The following BPNT1 variants were observed in gnomAD, a reference collection of about 807,000 sequenced individuals.
BPNT1 encodes 3'(2'), 5'-bisphosphate nucleotidase 1, also known as 3'(2'),5'-bisphosphate nucleotidase 1.
BPNT1 carries 28 observed loss-of-function variants against 36.9 expected under a neutral mutation model. The observed-to-expected ratio is 0.76, with a 90% confidence interval of 0.56 to 1.04. The LOEUF (loss-of-function observed/expected upper bound fraction) is 1.04, where lower values mean the gene tolerates loss of function less well. BPNT1 is among the 50% of genes least tolerant of loss of function. The pLI is 0.00. For missense variants in BPNT1, 313 were observed against 372.9 expected (o/e 0.84, Z 1.32); for synonymous variants, 119 against 130.9 (o/e 0.91, Z 0.62).
At chr1:220,061,081 T>C (rs1038424600) in intron 7 of BPNT1, among the ~76,000 whole-genome samples, 21 of 152,196 alleles carry the variant, frequency 1.4e-4, no homozygotes, top group African/African-American at 5.1e-4. Context: ...AATCAGATTT[T>C]AGTTAATCTG....
chr1:220,077,572 TA>T (rs1416213830), intron 2 of BPNT1, among the ~76,000 whole-genome samples: 1 of 152,154 alleles, frequency 6.6e-6, no homozygotes, highest in African/African-American at 2.4e-5. Flanking sequence ...GGGGTCTTGC[TA>T]TGTTGCCCAG....
chr1:220,088,610 C>G (rs1000781692), intron 1 of BPNT1, among the ~76,000 whole-genome samples: 1 of 151,222 alleles, frequency 6.6e-6, no homozygotes, highest in Non-Finnish European at 1.5e-5. Flanking sequence ...GGCAACATGG[C>G]AAAACCTCGT....
chr1:220,071,730 C>T (rs1406154551), intron 4 of BPNT1, among the ~76,000 whole-genome samples: 1 of 152,126 alleles, frequency 6.6e-6, no homozygotes, highest in African/African-American at 2.4e-5. Flanking sequence ...TCTTGTCACC[C>T]AGACTGGAGT....
chr1:220,062,771 C>T lies in BPNT1; in HGVS notation c.658G>A (p.Gly220Arg). The part of the protein sequence containing the change: ...MNPDAVLRVG[G>R]AGNKIIQLIE... ...ATTTTTCATACCTTATTTCCTGCTC[C>T]TCCTACTCGCAGCACAGCATCGGGG... is the stretch of plus-strand genomic sequence containing the variant. Residue 220 changes from glycine to arginine, a missense_variant, in exon 7 of 9, where the codon GGA (glycine) becomes AGA (arginine). Transcript: ENST00000322067. The T allele has an allele frequency of 6.2e-7, 1 of 1,614,194 alleles. No homozygotes were observed. The highest frequency in any genetic ancestry group is 1.1e-5 in the South Asian group (1 of 91,082).
In BPNT1 at chr1:220,062,795, G is replaced by A; in HGVS notation, c.634C>T (p.Pro212Ser). The A allele has an allele frequency of 6.2e-7, 1 of 1,614,142 alleles. No homozygotes were observed. Among genetic ancestry groups the A allele is most frequent in the Non-Finnish European group, 8.5e-7 (1 of 1,180,034 alleles). Residue 212 changes from proline (P) to serine (S), a missense_variant, in exon 7 of 9, where the codon CCC (proline) becomes TCC (serine). Pro to Ser is a moderately conservative substitution (Grantham distance 74, BLOSUM62 -1). Coordinates refer to ENST00000322067, the MANE Select transcript of BPNT1 (RefSeq NM_006085.6). ...CCTCCTACTCGCAGCACAGCATCGG[G>A]GTTCATAGCAGCAACACAGTCAGTA... ...LVTDCVAAMN[P>S]DAVLRVGGAG...
At chr1:220,069,550 T>C in intron 4 of BPNT1, 118 bp from the exon 5 acceptor site, 1 of 668,060 alleles carries the variant, frequency 1.5e-6, no homozygotes. Flanking sequence ...TATGGATGGC[T>C]TAAATTAATG....
At chr1:220,076,137 G>C (rs866188412) in intron 2 of BPNT1, among the ~76,000 whole-genome samples, 1 of 152,128 alleles carries the variant, frequency 6.6e-6, no homozygotes, top group South Asian at 2.1e-4. Context: ...GGGAGGCCGA[G>C]GCAGGTAGAT....
chr1:220,063,283 G>T (rs566645484), intron 6 of BPNT1, among the ~76,000 whole-genome samples: 1 of 152,282 alleles, frequency 6.6e-6, no homozygotes, highest in African/African-American at 2.4e-5. Context: ...GGGAGGTGGA[G>T]GTTGCAGTGA....
chr1:220,079,841 A>T lies in BPNT1; in HGVS notation c.6T>A (p.Ala2=). 1 of 1,613,848 alleles carries T rather than the reference A, an allele frequency of 6.2e-7. No individual in the cohort carries two copies. The highest frequency in any genetic ancestry group is 8.5e-7 in the Non-Finnish European group (1 of 1,179,888). Residue 2 remains alanine (A), a synonymous_variant, in exon 2 of 9, where the codon GCT becomes GCA. Coordinates refer to ENST00000322067, the MANE Select transcript of BPNT1 (RefSeq NM_006085.6). M[A]SSNTVLMRLV... is the part of the protein sequence containing the mutation. ...ACCGCATCAACACAGTGTTACTGGA[A>T]GCCATGGTACACTCTAAAAAGAGAT...
At chr1:220,081,475 A>T (rs1459868868) in intron 1 of BPNT1, among the ~76,000 whole-genome samples, 1 of 152,010 alleles carries the variant, frequency 6.6e-6, no homozygotes, top group Admixed American at 6.6e-5. Context: ...CCTGGGACGC[A>T]GAGGCTGCAG....
At chr1:220,071,920 C>G (rs150443172) in intron 4 of BPNT1, among the ~76,000 whole-genome samples, 10,357 of 151,944 alleles carry the variant, frequency 0.068, 466 homozygotes, top group South Asian at 0.12. Context: ...CTCTCGACCT[C>G]AGGTGATCTG....
intron 6 of BPNT1, among the ~76,000 whole-genome samples, chr1:220,063,633 A>T (rs190087335): frequency 1.3e-5 from 2 of 152,228 alleles, no homozygotes; most frequent in African/African-American, 2.4e-5. Flanking sequence ...ATGTATTGAT[A>T]ACTACTTTTC....
At chr1:220,082,120 A>AGT (rs1321525166) in intron 1 of BPNT1, among the ~76,000 whole-genome samples, 2 of 127,968 alleles carry the variant, frequency 1.6e-5, no homozygotes, top group African/African-American at 5.6e-5. Context: ...AGAGAGAGAG[A>AGT]GTGTATATAT....
intron 1 of BPNT1, among the ~76,000 whole-genome samples, chr1:220,082,123 G>GTATA (rs771087138): frequency 1.3e-4 from 17 of 134,502 alleles, no homozygotes; most frequent in African/African-American, 4.1e-4. Context: ...GAGAGAGAGT[G>GTATA]TATATATATA....
At chr1:220,071,491 C>T (rs1358556207) in intron 4 of BPNT1, among the ~76,000 whole-genome samples, 3 of 152,058 alleles carry the variant, frequency 2.0e-5, no homozygotes, top group Non-Finnish European at 4.4e-5. Flanking sequence ...TTTAATGAGA[C>T]AGGGTCTCAC....
chr1:220,060,675 T>A lies in BPNT1; in HGVS notation c.673-884A>T, dbSNP rs529322890. Among the ~76,000 whole-genome samples, 62 of 152,314 alleles carry A rather than the reference T, an allele frequency of 4.1e-4. No individual in the cohort carries two copies. In the South Asian group the frequency reaches 0.012, roughly 30 times the overall value. ...ACTACCAAAATACAAACTTTTTTTT[T>A]TAAAAATATTTGAAGAGATTTATTC... On this transcript the variant is annotated intron_variant, in intron 7 of 8. Transcript: ENST00000322067.
chr1:220,072,843 G>C lies in BPNT1; in HGVS notation c.333+7C>G, dbSNP rs1664191551. 6.2e-7 allele frequency: 1 copy of C among 1,603,786 alleles called. No individual in the cohort carries two copies. Among genetic ancestry groups the C allele is most frequent in the Non-Finnish European group, 8.5e-7 (1 of 1,170,674 alleles). On this transcript the variant is annotated splice_region_variant and intron_variant, in intron 4 of 8. Coordinates refer to ENST00000322067, the MANE Select transcript of BPNT1 (RefSeq NM_006085.6). ...AATAGAGAGTTGAGTATAAATATGG[G>C]TCATACATCTTCTTCTTTAATAGCA...
chr1:220,078,974 A>T (rs1326199087), intron 2 of BPNT1, among the ~76,000 whole-genome samples: 2 of 152,162 alleles, frequency 1.3e-5, no homozygotes, highest in African/African-American at 4.8e-5. Flanking sequence ...ACTTTCTGAT[A>T]ATCTATTTAA....
chr1:220,082,081 T>TAGAGAGAGAG (rs1436682340), intron 1 of BPNT1, among the ~76,000 whole-genome samples: 1 of 109,804 alleles, frequency 9.1e-6, no homozygotes, highest in African/African-American at 3.3e-5. Context: ...TATATATATA[T>TAGAGAGAGAG]ATATAGAGAG....
Sources: gnomAD v4.1 joint callset for allele counts (sites outside exome capture counted in the v4.1 genomes callset) on GRCh38, gnomAD v4.1.1 for gene constraint, MANE v1.5 for transcripts, NCBI Gene and HGNC (gene_info 2026-07-23, HGNC 2026-07-21) for gene names.